Variants in HPSE observed in about 807,000 individuals in gnomAD.
HPSE encodes heparanase, also known as endo-glucoronidase.
A neutral mutation model predicts 65.1 loss-of-function variants in HPSE; 48 were observed. That is an observed-to-expected ratio of 0.74 (90% CI 0.58 to 0.94). The LOEUF is 0.94. Ranked by LOEUF, HPSE falls within the 40% of genes least tolerant of loss-of-function variation. The pLI is 0.00. For missense variants in HPSE, 644 were observed against 637.5 expected, an observed-to-expected ratio of 1.01 and a Z score of -0.11; for synonymous variants, 243 against 260.0, an observed-to-expected ratio of 0.93 and a Z score of 0.63.
intron 3 of HPSE, among the ~76,000 whole-genome samples, chr4:83,314,118 T>G (rs1206730562): frequency 6.6e-6 from 1 of 151,808 alleles, no homozygotes; most frequent in Admixed American, 6.6e-5. Flanking sequence ...CCGGGCATGA[T>G]GGTAAGCACC....
At position 83,296,077 on chromosome 4, in the gene HPSE, TTGGCTAAACTACA is replaced by T. The variant is rs1735712370; in HGVS notation, c.1473-587_1473-575del. ...AATGCTGTGGTGAAACAAAAACAAT[TTGGCTAAACTACA>T]GAAAATTTTATATTTTCTATGTATT... On this transcript the variant is annotated intron_variant, in intron 11 of 11. Coordinates refer to ENST00000311412, the MANE Select transcript of HPSE (RefSeq NM_001098540.3). Among the ~76,000 whole-genome samples the T allele has an allele frequency of 2.6e-5, 4 of 152,296 alleles. No homozygotes were observed. The South Asian group carries it at 8.3e-4, about 32-fold the overall frequency.
chr4:83,333,129 T>C lies in HPSE; in HGVS notation c.227+1427A>G, dbSNP rs188556943. On this transcript the variant is annotated intron_variant, in intron 1 of 11. Transcript: ENST00000311412. The stretch of plus-strand genomic sequence containing the variant: ...CAGAAGGAAAAGGAGAGGTTAACTA[T>C]GATCCAAAGAAACAGAAAACCGGTG... Among the ~76,000 whole-genome samples the C allele has an allele frequency of 3.5e-3, 531 of 152,298 alleles. 13 individuals are homozygous for C. The highest frequency in any genetic ancestry group is 8.7e-4 in the Non-Finnish European group (59 of 68,030).
At chr4:83,334,890 C>T, upstream of HPSE, 1 of 1,423,898 alleles carries the variant, frequency 7.0e-7, no homozygotes, top group Non-Finnish European at 9.2e-7. Flanking sequence ...CTTTCCTCCG[C>T]CCCGTTACGC....
chr4:83,311,922 A>C (rs533475822), intron 4 of HPSE, among the ~76,000 whole-genome samples: 2 of 152,278 alleles, frequency 1.3e-5, no homozygotes, highest in African/African-American at 4.8e-5. Flanking sequence ...AAATGTGGCG[A>C]ATCATGAATA....
intron 11 of HPSE, among the ~76,000 whole-genome samples, chr4:83,297,508 C>T (rs562095352): frequency 6.1e-4 from 93 of 152,150 alleles, no homozygotes; most frequent in African/African-American, 2.0e-3. Context: ...AGTTTATTTA[C>T]TTAATTCTCT....
At chr4:83,308,396 A>G (rs955418961) in intron 8 of HPSE, among the ~76,000 whole-genome samples, 1 of 150,170 alleles carries the variant, frequency 6.7e-6, no homozygotes, top group African/African-American at 2.4e-5. Context: ...ACAGAGGGGA[A>G]AAAAAAAGAC....
rs1050287714 is a variant in HPSE, at chr4:83,294,904, A to G, written c.*440T>C. The G allele has an allele frequency of 6.6e-6, 1 of 152,252 alleles. No individual in the cohort carries two copies. The highest frequency in any genetic ancestry group is 2.4e-5 in the African/African-American group (1 of 41,432). The allele number at this position is 152,252 out of a possible 1,614,324, so 9.4% of individuals were successfully genotyped here. A position where few individuals can be genotyped will look rare whatever the true frequency, so the allele number is the denominator to read the frequency against. On this transcript the variant is annotated 3_prime_UTR_variant, in exon 12 of 12. Coordinates refer to ENST00000311412, the MANE Select transcript of HPSE (RefSeq NM_001098540.3). ...GCCAATATGGCGAAACTCCATCTCT[A>G]CAAAAAATATAGAAAGTAGCTGGGC...
At chr4:83,300,840 AAAG>A in intron 11 of HPSE, 117 bp downstream of exon 11, 1 of 35,194 alleles carries the variant, frequency 2.8e-5, no homozygotes, top group South Asian at 1.7e-3. Flanking sequence ...AAAAAAAAAA[AAAG>A]AATTATTAGA....
rs903492786 is a variant in HPSE, at chr4:83,334,641, G to C, written c.142C>G (p.Pro48Ala). The C allele has an allele frequency of 1.9e-6, 3 of 1,585,662 alleles. No individual in the cohort carries two copies. Among genetic ancestry groups the C allele is most frequent in the African/African-American group, 1.3e-5 (1 of 74,442 alleles). Reference protein sequence around the residue: ...VVDLDFFTQEPLHLVSPSFLS... With the variant: ...VVDLDFFTQEALHLVSPSFLS... ...AACGAGGGGCTCACCAGGTGCAGCGGCTCCTGGGTGAAGAAGTCCAGGTCC... is the reference window on the plus strand; with the variant it reads ...AACGAGGGGCTCACCAGGTGCAGCGCCTCCTGGGTGAAGAAGTCCAGGTCC... The change falls in exon 1 of 12, where the codon CCG (proline) becomes GCG (alanine). Residue 48 changes from proline (P) to alanine (A), a missense_variant. By Grantham distance (27) the Pro-to-Ala change is conservative. Transcript: ENST00000311412.
upstream of HPSE, chr4:83,334,976 C>T: frequency 1.2e-6 from 1 of 853,442 alleles, no homozygotes; most frequent in South Asian, 2.1e-5. Context: ...CCAATCCAAC[C>T]CCGCCCCGCC....
chr4:83,316,917 T>C (rs1373928934), intron 3 of HPSE, among the ~76,000 whole-genome samples: 6 of 152,202 alleles, frequency 3.9e-5, no homozygotes, highest in Non-Finnish European at 4.4e-5. Context: ...TTTTGTTTTT[T>C]TGAGACAGAG....
intron 2 of HPSE, among the ~76,000 whole-genome samples, 171 bp from the exon 3 acceptor site, chr4:83,319,640 G>A (rs745466819): frequency 5.3e-5 from 8 of 152,062 alleles, no homozygotes; most frequent in African/African-American, 9.7e-5. Context: ...CAAATTTGCC[G>A]GCTCATGAAT....
intron 3 of HPSE, among the ~76,000 whole-genome samples, chr4:83,316,368 C>T (rs1466256398): frequency 6.6e-6 from 1 of 151,558 alleles, no homozygotes; most frequent in Non-Finnish European, 1.5e-5. Flanking sequence ...ACAGAAGGAC[C>T]ACCTAGCCTA....
At chr4:83,315,756 C>T (rs1403203519) in intron 3 of HPSE, among the ~76,000 whole-genome samples, 1 of 152,204 alleles carries the variant, frequency 6.6e-6, no homozygotes. Context: ...GTTGAAATGA[C>T]ACATGTGAAA....
upstream of HPSE, chr4:83,334,888 C>A: frequency 7.0e-7 from 1 of 1,423,538 alleles, no homozygotes; most frequent in Non-Finnish European, 9.2e-7. Flanking sequence ...TCCTTTCCTC[C>A]GCCCCGTTAC....
chr4:83,334,174 T>C (rs1737516370), intron 1 of HPSE, among the ~76,000 whole-genome samples: 1 of 152,134 alleles, frequency 6.6e-6, no homozygotes, highest in African/African-American at 2.4e-5. Context: ...AGTGGAATAG[T>C]AGACACTGGA....
chr4:83,325,130 G>GGTGTGTGTGTGT (rs70949703), intron 1 of HPSE, among the ~76,000 whole-genome samples: 13 of 134,268 alleles, frequency 9.7e-5, no homozygotes, highest in East Asian at 4.6e-4. Flanking sequence ...TATACAACTT[G>GGTGTGTGTGTGT]GTGTGTGTGT....
chr4:83,313,047 A>G (rs953876200), intron 4 of HPSE, 67 bp downstream of exon 4: 2 of 1,024,764 alleles, frequency 2.0e-6, no homozygotes. Flanking sequence ...AAAAAGAAAA[A>G]GAAAAGAAAA....
chr4:83,309,470 T>C lies in HPSE; in HGVS notation c.916A>G (p.Thr306Ala). 1 of 1,568,144 alleles carries C rather than the reference T, an allele frequency of 6.4e-7. No homozygotes were observed. The highest frequency in any genetic ancestry group is 1.2e-5 in the South Asian group (1 of 86,918). Residue 306 changes from threonine (T) to alanine (A), a missense_variant, in exon 7 of 12, where the codon ACC (threonine) becomes GCC (alanine). Transcript: ENST00000311412. Reference protein sequence around the residue: ...HHYYLNGRTATKEDFLNPDVL... With the variant: ...HHYYLNGRTAAKEDFLNPDVL... ...TCAGGGTTTAGAAAATCTTCCTTGG[T>C]AGCAGTCCGTCCATTCAAATAGTAG... is the stretch of plus-strand genomic sequence containing the variant.
Sources: gnomAD v4.1 joint callset for allele counts (sites outside exome capture counted in the v4.1 genomes callset) on GRCh38, gnomAD v4.1.1 for gene constraint, MANE v1.5 for transcripts, NCBI Gene and HGNC (gene_info 2026-07-23, HGNC 2026-07-21) for gene names.